The following EYS variants were observed in gnomAD, a reference collection of about 807,000 sequenced individuals.
EYS encodes EGF-like photoreceptor maintenance factor.
A neutral mutation model predicts 282.1 loss-of-function variants in EYS; 250 were observed. The ratio of observed to expected loss-of-function variants is 0.89; its 90% CI spans 0.80 to 0.98. The LOEUF (loss-of-function observed/expected upper bound fraction) is 0.98, where lower values mean the gene tolerates loss of function less well. Among genes scored for constraint, EYS ranks in the 50% least tolerant of loss-of-function variants. The pLI, the probability that EYS is intolerant of heterozygous loss-of-function variation, is 0.00. For synonymous variants in EYS, 1,355 were observed against 1,282.9 expected (o/e 1.06, Z -1.20); for missense variants, 4,016 against 3,709.0 (o/e 1.08, Z -2.15).
At chr6:64,835,647 A>G (rs1562217011) in intron 19 of EYS, among the ~76,000 whole-genome samples, 1 of 151,716 alleles carries the variant, frequency 6.6e-6, no homozygotes, top group Non-Finnish European at 1.5e-5. Context: ...TAGCCACAGG[A>G]TAATATACAA....
chr6:64,761,726 A>AT (rs1299592402), intron 22 of EYS, among the ~76,000 whole-genome samples: 1 of 152,168 alleles, frequency 6.6e-6, no homozygotes, highest in Admixed American at 6.5e-5. Flanking sequence ...AAGTGCTGGG[A>AT]TTACAGGCGT....
intron 12 of EYS, among the ~76,000 whole-genome samples, chr6:65,207,393 T>A (rs1310341627): frequency 6.6e-6 from 1 of 151,196 alleles, no homozygotes. Flanking sequence ...CACAACAAAT[T>A]AAAAGACATC....
rs1296238245 is a variant in EYS, at chr6:64,139,965, CTCAATAAA to C, written c.6425-57971_6425-57964del. Among the ~76,000 whole-genome samples the C allele has an allele frequency of 3.8e-5, 5 of 132,950 alleles. No individual in the cohort carries two copies. In the South Asian group the frequency reaches 7.3e-4, roughly 19 times the overall value. 87.2% of individuals were successfully genotyped at this position (132,950 alleles called of 152,430 possible). A position where few individuals can be genotyped will look rare whatever the true frequency, so the allele number is the denominator to read the frequency against. ...CCTGGGTGACAGAGCAAGATTCTGT[CTCAATAAA>C]TAAATAAATAAATAAATAAATAAAT... On this transcript the variant is annotated intron_variant, in intron 31 of 42. Transcript: ENST00000503581.
rs188398621 is a variant in EYS, at chr6:63,741,876, C to T, written c.8072-15196G>A. 3.6e-3 allele frequency: 2,510 copies of T among 701,468 alleles called. 47 individuals carry two copies. The highest frequency in any genetic ancestry group is 0.026 in the South Asian group (1,743 of 67,490). The allele number at this position is 701,468 out of a possible 1,614,324, so 43.5% of individuals were successfully genotyped here. ...GCTGTACTAGGGTAGTCAGGGTAGT[C>T]GTATGTTTTTGTTTTGCTGTTTGTA... is the stretch of plus-strand genomic sequence containing the variant. On this transcript the variant is annotated intron_variant, in intron 41 of 42. Coordinates refer to ENST00000503581, the MANE Select transcript of EYS (RefSeq NM_001142800.2).
At chr6:64,573,200 T>G (rs900003151) in intron 26 of EYS, among the ~76,000 whole-genome samples, 8 of 152,134 alleles carry the variant, frequency 5.3e-5, no homozygotes, top group African/African-American at 1.7e-4. Flanking sequence ...ATAAATGGTA[T>G]TGGGAAAACT....
At chr6:63,959,983 A>G (rs1765987644) in intron 35 of EYS, among the ~76,000 whole-genome samples, 1 of 152,038 alleles carries the variant, frequency 6.6e-6, no homozygotes, top group Non-Finnish European at 1.5e-5. Context: ...TATGTAACAA[A>G]CCTGCATGTT....
intron 8 of EYS, among the ~76,000 whole-genome samples, chr6:65,354,050 G>A (rs1378017866): frequency 1.3e-5 from 2 of 151,924 alleles, no homozygotes; most frequent in Non-Finnish European, 2.9e-5. Context: ...AGATAATCAG[G>A]GCATATTGTC....
chr6:64,334,486 T>C (rs1420718657), intron 29 of EYS, among the ~76,000 whole-genome samples: 1 of 152,134 alleles, frequency 6.6e-6, no homozygotes, highest in African/African-American at 2.4e-5. Context: ...AGATAATGAA[T>C]GGCCCCCTGA....
intron 5 of EYS, among the ~76,000 whole-genome samples, chr6:65,423,224 C>T (rs773497407): frequency 7.2e-5 from 11 of 151,784 alleles, no homozygotes; most frequent in Non-Finnish European, 1.2e-4. Flanking sequence ...TATCTGAGAA[C>T]GCTGGCAACA....
intron 22 of EYS, among the ~76,000 whole-genome samples, chr6:64,766,640 A>AC (rs1247905659): frequency 5.7e-4 from 18 of 31,760 alleles, no homozygotes; most frequent in Non-Finnish European, 1.0e-3. Flanking sequence ...TCAAAAAAAA[A>AC]AAAAAAAAAA....
chr6:64,446,168 C>T (rs1323583843), intron 26 of EYS, among the ~76,000 whole-genome samples: 5 of 152,102 alleles, frequency 3.3e-5, no homozygotes, highest in African/African-American at 4.8e-5. Flanking sequence ...ATGGTTGTTG[C>T]TAGGTGGGTG....
intron 36 of EYS, among the ~76,000 whole-genome samples, chr6:63,841,232 T>A (rs2149697408): frequency 6.6e-6 from 1 of 152,258 alleles, no homozygotes; most frequent in East Asian, 1.9e-4. Flanking sequence ...TTATTTCAGT[T>A]TTTGCTAACA....
rs1766464339 is a variant in EYS, at chr6:64,232,743, C to A, written c.6192-1919G>T. On this transcript the variant is annotated intron_variant, in intron 30 of 42. Transcript: ENST00000503581. ...TAGCAGTGAAATAATTTTGTCACCC[C>A]AGGTTAATTTTATAGCTCCATTATG... 3.3e-5 allele frequency among the ~76,000 whole-genome samples: 5 copies of A among 152,238 alleles called. No individual in the cohort carries two copies. In the South Asian group the frequency reaches 1.0e-3, roughly 32 times the overall value.
intron 5 of EYS, among the ~76,000 whole-genome samples, chr6:65,456,698 A>G (rs189181616): frequency 2.0e-5 from 3 of 150,996 alleles, no homozygotes; most frequent in African/African-American, 7.2e-5. Flanking sequence ...AGCATTTGAC[A>G]AAATTCAACA....
chr6:65,183,502 ATATCT>A (rs1316358881), intron 12 of EYS, among the ~76,000 whole-genome samples: 2 of 151,896 alleles, frequency 1.3e-5, no homozygotes, highest in Non-Finnish European at 2.9e-5. Flanking sequence ...GTGAAAATAC[ATATCT>A]TATAGTACTA....
chr6:64,863,392 C>T (rs1221343262), intron 19 of EYS, among the ~76,000 whole-genome samples: 1 of 152,094 alleles, frequency 6.6e-6, no homozygotes, highest in East Asian at 1.9e-4. Flanking sequence ...CATGGCAATT[C>T]AAATGTCTAT....
At chr6:64,711,666 A>G (rs1053442028) in intron 22 of EYS, among the ~76,000 whole-genome samples, 3 of 152,236 alleles carry the variant, frequency 2.0e-5, no homozygotes, top group Non-Finnish European at 2.9e-5. Flanking sequence ...AGAGTATAAA[A>G]TTTAATGAGA....
chr6:64,967,569 C>T (rs770443499), intron 14 of EYS, among the ~76,000 whole-genome samples: 3 of 152,112 alleles, frequency 2.0e-5, no homozygotes, highest in South Asian at 2.1e-4. Context: ...CCACCTGCCT[C>T]GGCCTCCCAA....
chr6:64,440,511 A>G (rs533898474), intron 26 of EYS, among the ~76,000 whole-genome samples: 2 of 152,184 alleles, frequency 1.3e-5, no homozygotes, highest in East Asian at 3.9e-4. Flanking sequence ...TGACTTCATT[A>G]GTGAAGGACA....
Sources: allele counts gnomAD v4.1 joint callset (sites outside exome capture counted in the v4.1 genomes callset), GRCh38; gene constraint gnomAD v4.1.1; transcripts MANE v1.5; gene names NCBI Gene and HGNC (gene_info 2026-07-23, HGNC 2026-07-21).